P2RY14: variants seen among roughly 807,000 people sequenced by gnomAD.
P2RY14 encodes the protein P2Y purinoceptor 14.
Under a neutral mutation model 0.9 loss-of-function variants are expected in P2RY14, and 2 were observed. The observed-to-expected ratio is 2.16, with a 90% CI of 0.88 to 6.79. P2RY14 has a LOEUF of 6.79. P2RY14 is among the 30% of genes most tolerant of loss of function. The pLI is 0.05. For synonymous variants in P2RY14, 158 were observed against 147.2 expected, an observed-to-expected ratio of 1.07 and a Z score of -0.53; for missense variants, 378 against 400.1, an observed-to-expected ratio of 0.94 and a Z score of 0.47.
chr3:151,230,660 G>A (rs1051898428), intron 1 of P2RY14, among the ~76,000 whole-genome samples: 5 of 148,914 alleles, frequency 3.4e-5, no homozygotes, highest in African/African-American at 1.0e-4. Flanking sequence ...TATTTTCAAC[G>A]TCTCTTTCTA....
intron 1 of P2RY14, among the ~76,000 whole-genome samples, chr3:151,259,757 G>T (rs190257705): frequency 1.5e-4 from 23 of 152,186 alleles, no homozygotes; most frequent in African/African-American, 5.3e-4. Flanking sequence ...CCACTTAAAC[G>T]AGCTCATAGC....
intron 1 of P2RY14, among the ~76,000 whole-genome samples, chr3:151,262,438 A>G (rs1457974219): frequency 2.0e-5 from 3 of 152,138 alleles, no homozygotes; most frequent in African/African-American, 7.2e-5. Flanking sequence ...CATGGTACCT[A>G]TGGGGTGGCC....
intron 1 of P2RY14, among the ~76,000 whole-genome samples, chr3:151,261,719 T>G (rs1219128028): frequency 6.6e-6 from 1 of 151,108 alleles, no homozygotes; most frequent in African/African-American, 2.4e-5. Flanking sequence ...TTTGTTTTGT[T>G]TTGTTTTTGT....
chr3:151,214,912 T>C (rs976517093), intron 2 of P2RY14, among the ~76,000 whole-genome samples: 3 of 152,216 alleles, frequency 2.0e-5, no homozygotes, highest in Admixed American at 2.0e-4. Context: ...TGATTGTTTT[T>C]TCCTAAAAGA....
At chr3:151,218,987 A>C (rs1469043441) in intron 2 of P2RY14, among the ~76,000 whole-genome samples, 2 of 151,876 alleles carry the variant, frequency 1.3e-5, no homozygotes, top group African/African-American at 4.8e-5. Context: ...ATGAGAATGA[A>C]GTGGTCTGAA....
intron 1 of P2RY14, among the ~76,000 whole-genome samples, chr3:151,240,185 A>G (rs530360554): frequency 6.6e-6 from 1 of 151,966 alleles, no homozygotes; most frequent in South Asian, 2.1e-4. Flanking sequence ...TACTTAAGGT[A>G]GTAGGTAGTC....
At chr3:151,244,945 T>C (rs1048230743) in intron 1 of P2RY14, among the ~76,000 whole-genome samples, 2 of 152,156 alleles carry the variant, frequency 1.3e-5, no homozygotes, top group African/African-American at 4.8e-5. Flanking sequence ...ATATCACCAC[T>C]GATCCCACAG....
At chr3:151,249,047 C>G (rs989447922) in intron 1 of P2RY14, 6 of 152,192 alleles carry the variant, frequency 3.9e-5, no homozygotes, top group Non-Finnish European at 5.9e-5. Flanking sequence ...TGACATCTCG[C>G]CAAATGCTTG....
rs373092950 is a variant in P2RY14 at position 151,213,303 on chromosome 3, C to G, written c.1014G>C (p.Leu338Phe). Residue 338 changes from leucine (L) to phenylalanine (F), a missense_variant, in exon 3 of 3, where the codon TTG (leucine) becomes TTC (phenylalanine). Transcript: ENST00000309170. ...TTCTTTGGAAGAGGGTAGGAACTCA[C>G]AAAGTATCTGTGCTTTCAAGTGTTG... ...GNTTLESTDT[L>F] is the part of the protein sequence containing the mutation. 19 of 1,597,454 alleles carry G rather than the reference C, an allele frequency of 1.2e-5. No individual in the cohort carries two copies. The highest frequency in any genetic ancestry group is 3.5e-5 in the Admixed American group (2 of 57,048).
chr3:151,231,381 A>G (rs999912114), intron 1 of P2RY14, among the ~76,000 whole-genome samples: 8 of 152,218 alleles, frequency 5.3e-5, no homozygotes, highest in African/African-American at 1.9e-4. Context: ...AATAAAAAGT[A>G]TACCTCTGAA....
Position 151,226,162 on chromosome 3 carries a change from A to C in P2RY14, c.-132-6520T>G, listed in dbSNP as rs145788357. On this transcript the variant is annotated intron_variant, in intron 1 of 2. Coordinates refer to ENST00000309170, the MANE Select transcript of P2RY14 (RefSeq NM_014879.4). ...AAGCACAGGAACACAGTGAGCACGT[A>C]TCTAGTTTCAGAAATGGTGGCATCA... is the stretch of plus-strand genomic sequence containing the variant. Among the ~76,000 whole-genome samples the C allele has an allele frequency of 2.7e-4, 41 of 152,296 alleles. No homozygotes were observed. The East Asian group carries it at 7.5e-3, about 28-fold the overall frequency.
intron 1 of P2RY14, among the ~76,000 whole-genome samples, chr3:151,264,101 C>T (rs987023319): frequency 6.6e-6 from 1 of 152,194 alleles, no homozygotes; most frequent in Non-Finnish European, 1.5e-5. Flanking sequence ...AGAAAAGAAT[C>T]ATAACCATTT....
In P2RY14 at chr3:151,256,327, A is replaced by G. The variant is rs557439571; in HGVS notation, c.-133+21960T>C. 1.1e-4 allele frequency among the ~76,000 whole-genome samples: 16 copies of G among 152,318 alleles called. No homozygotes were observed. In the East Asian group the frequency reaches 3.1e-3, roughly 29 times the overall value. On this transcript the variant is annotated intron_variant, in intron 1 of 2. Transcript: ENST00000309170. ...ATGATGGAGTGCTTCTCGGAGCTTT[A>G]CATTTTTGCCTCAACATGCCTAAGG... is the stretch of plus-strand genomic sequence containing the variant.
At chr3:151,242,569 AG>A (rs1443067230) in intron 1 of P2RY14, among the ~76,000 whole-genome samples, 1 of 152,230 alleles carries the variant, frequency 6.6e-6, no homozygotes, top group African/African-American at 2.4e-5. Context: ...GTCTGTTACA[AG>A]GAAAACTAAC....
chr3:151,261,919 G>A (rs1738993096), intron 1 of P2RY14, among the ~76,000 whole-genome samples: 1 of 151,978 alleles, frequency 6.6e-6, no homozygotes, highest in South Asian at 2.1e-4. Flanking sequence ...TAGAGACGGG[G>A]TTTCACCACG....
chr3:151,259,719 C>T (rs911939559), intron 1 of P2RY14, among the ~76,000 whole-genome samples: 14 of 152,224 alleles, frequency 9.2e-5, no homozygotes, highest in Non-Finnish European at 1.9e-4. Context: ...TGTATAAATA[C>T]TCTGTGTTAA....
intron 1 of P2RY14, among the ~76,000 whole-genome samples, chr3:151,232,734 C>G (rs2149333614): frequency 6.6e-6 from 1 of 152,218 alleles, no homozygotes; most frequent in South Asian, 2.1e-4. Context: ...GGAGCTAAAT[C>G]ATGAGAACTC....
intron 1 of P2RY14, among the ~76,000 whole-genome samples, chr3:151,264,845 A>G (rs921434310): frequency 3.9e-5 from 6 of 152,164 alleles, no homozygotes; most frequent in African/African-American, 1.4e-4. Context: ...ATGGCTCTAC[A>G]TGACCAGCTG....
At chr3:151,233,944 A>G (rs879517354) in intron 1 of P2RY14, among the ~76,000 whole-genome samples, 1 of 152,232 alleles carries the variant, frequency 6.6e-6, no homozygotes, top group Non-Finnish European at 1.5e-5. Flanking sequence ...TTCATGCTAT[A>G]TGTAATCTTT....
Sources: allele counts gnomAD v4.1 joint callset (sites outside exome capture counted in the v4.1 genomes callset), GRCh38; gene constraint gnomAD v4.1.1; transcripts MANE v1.5; gene names NCBI Gene and HGNC (gene_info 2026-07-23, HGNC 2026-07-21).